Variants in ADGRF1 observed in about 807,000 individuals in gnomAD.
ADGRF1 encodes the protein adhesion G protein-coupled receptor F1.
Under a neutral mutation model 87.2 loss-of-function variants are expected in ADGRF1, and 85 were observed. The ratio of observed to expected loss-of-function variants is 0.97; its 90% CI spans 0.82 to 1.17. The LOEUF is 1.17. ADGRF1 is among the 50% of genes most tolerant of loss of function. The pLI is 0.00. For synonymous variants in ADGRF1, 430 were observed against 408.8 expected, an observed-to-expected ratio of 1.05 and a Z score of -0.63; for missense variants, 1,169 against 1,077.2, an observed-to-expected ratio of 1.09 and a Z score of -1.19.
rs755841682 is a variant in ADGRF1 at position 47,009,696 on chromosome 6, G to A, written c.1739C>T (p.Thr580Ile). 4.3e-6 allele frequency: 7 copies of A among 1,614,070 alleles called. No homozygotes were observed. Among genetic ancestry groups the A allele is most frequent in the Middle Eastern group, 1.6e-4 (1 of 6,084 alleles). Residue 580 changes from threonine to isoleucine, a missense_variant, in exon 11 of 15, where the codon ACA (threonine) becomes ATA (isoleucine). Thr to Ile is a moderately conservative substitution (Grantham distance 89). Transcript: ENST00000371253. ...SILMSPFVPS[T>I]IFPVVKWITY... ...GATCCATTTTACAACGGGGAAGATT[G>A]TAGAGGGGACAAAAGGTGACATCAA...
Position 46,997,954 on chromosome 6 carries a change from TC to T in ADGRF1, c.*2267del, listed in dbSNP as rs1779258907. The T allele has an allele frequency of 6.6e-6, 1 of 152,216 alleles. No homozygotes were observed. The highest frequency in any genetic ancestry group is 1.5e-5 in the Non-Finnish European group (1 of 68,040). The allele number at this position is 152,216 out of a possible 1,614,324, so 9.4% of individuals were successfully genotyped here. ...TTTTAAATAGTTTGGTAATTATGAC[TC>T]CCAGTCGCCTACAATAAGAAGAAAC... On this transcript the variant is annotated 3_prime_UTR_variant, in exon 15 of 15. Coordinates refer to ENST00000371253, the MANE Select transcript of ADGRF1 (RefSeq NM_153840.4).
intron 1 of ADGRF1, among the ~76,000 whole-genome samples, chr6:47,033,100 G>T (rs1010647732): frequency 2.0e-5 from 3 of 152,204 alleles, no homozygotes; most frequent in Non-Finnish European, 4.4e-5. Context: ...CAGATGAGGA[G>T]CTGTTGTTGT....
Position 47,025,882 on chromosome 6 carries a change from A to G in ADGRF1, c.249T>C (p.Ile83=), listed in dbSNP as rs771522443. Reference sequence around the variant, plus strand: ...TGGTAGCCTTTGCTCTGATAATTCTAATTAGCCCATGTGACCATAATAATG... The same window carrying G: ...TGGTAGCCTTTGCTCTGATAATTCTGATTAGCCCATGTGACCATAATAATG... The part of the protein sequence containing the change: ...KPPLLWSHGL[I]RIIRAKATTD... Residue 83 remains isoleucine, a synonymous_variant, in exon 4 of 15, where the codon ATT becomes ATC. Transcript: ENST00000371253. 1.9e-6 allele frequency: 3 copies of G among 1,607,328 alleles called. No homozygotes were observed. The South Asian group carries it at 3.3e-5, about 18-fold the overall frequency.
rs1267070427 is a variant in ADGRF1, at chr6:47,009,293, A to G, written c.2142T>C (p.Ser714=). ...CLGYGCPLII[S]VITIAVTQPS... ...GTTGCGTGACAGCAATGGTAATGAC[A>G]GATATAATGAGAGGGCACCCATAAC... Residue 714 remains serine (S), a synonymous_variant, in exon 11 of 15, where the codon TCT becomes TCC. Transcript: ENST00000371253. The G allele has an allele frequency of 6.2e-7, 1 of 1,614,050 alleles. No individual in the cohort carries two copies. The highest frequency in any genetic ancestry group is 2.2e-5 in the East Asian group (1 of 44,894).
chr6:47,011,361 T>C (rs912609443), intron 10 of ADGRF1, among the ~76,000 whole-genome samples: 2 of 152,234 alleles, frequency 1.3e-5, no homozygotes, highest in East Asian at 1.9e-4. Context: ...TTGTAAAACA[T>C]TATATCCTTT....
intron 1 of ADGRF1, among the ~76,000 whole-genome samples, chr6:47,041,280 T>A (rs1349741478): frequency 4.6e-5 from 7 of 152,362 alleles, no homozygotes; most frequent in African/African-American, 1.7e-4. Context: ...TGTGTTAATA[T>A]TCTAACATAT....
Position 47,009,418 on chromosome 6 carries a change from A to G in ADGRF1, c.2017T>C (p.Phe673Leu). Residue 673 changes from phenylalanine (F) to leucine (L), a missense_variant, in exon 11 of 15, where the codon TTC becomes CTC. By Grantham distance (22) the Phe-to-Leu change is conservative. Transcript: ENST00000371253. ...AGGATGCCAAGCATGAGCATCCAGA[A>G]GAACAAAGAGAGGTAGAAGAAGTGT... ...FTHFFYLSLF[F>L]WMLMLGILLA... 1 of 1,614,018 alleles carries G rather than the reference A, an allele frequency of 6.2e-7. No homozygotes were observed. The highest frequency in any genetic ancestry group is 8.5e-7 in the Non-Finnish European group (1 of 1,179,974).
rs191002786 is a variant in ADGRF1, at chr6:46,999,362, T to A, written c.*860A>T. The A allele has an allele frequency of 5.6e-4, 85 of 152,156 alleles. No homozygotes were observed. Among genetic ancestry groups the A allele is most frequent in the African/African-American group, 2.0e-3 (83 of 41,570 alleles). The allele number at this position is 152,156 out of a possible 1,614,324, so 9.4% of individuals were successfully genotyped here. A position where few individuals can be genotyped will look rare whatever the true frequency, so the allele number is the denominator to read the frequency against. ...AACTGTGTAACTGACCTCAGAAAGA[T>A]TTACTAGAGATGTAGGTAATTTTCA... On this transcript the variant is annotated 3_prime_UTR_variant, in exon 15 of 15. Transcript: ENST00000371253.
At chr6:47,019,516 T>A (rs567320646) in intron 7 of ADGRF1, 1 of 343,900 alleles carries the variant, frequency 2.9e-6, no homozygotes, top group South Asian at 1.2e-4. Context: ...ACCCCATCTC[T>A]ACGAAAAATA....
intron 1 of ADGRF1, among the ~76,000 whole-genome samples, chr6:47,033,543 T>C (rs1041846243): frequency 2.0e-5 from 3 of 152,268 alleles, no homozygotes; most frequent in African/African-American, 7.2e-5. Flanking sequence ...TGTTTCTTTC[T>C]CTATAAACAG....
At chr6:47,032,643 G>A (rs546993779) in intron 1 of ADGRF1, among the ~76,000 whole-genome samples, 19 of 152,266 alleles carry the variant, frequency 1.2e-4, no homozygotes, top group African/African-American at 4.3e-4. Flanking sequence ...CTATACTTTG[G>A]TTTAGTCATC....
intron 3 of ADGRF1, among the ~76,000 whole-genome samples, chr6:47,027,501 A>G (rs1440843366): frequency 6.6e-6 from 1 of 152,234 alleles, no homozygotes; most frequent in African/African-American, 2.4e-5. Context: ...GCCAGGTCTG[A>G]TGTAAGACAC....
Position 47,039,886 on chromosome 6 carries a change from T to G in ADGRF1, c.-44+2305A>C, listed in dbSNP as rs59391920. Reference sequence around the variant, plus strand: ...CTGAGACAGGAGAATTGCTAGAACCTGGGATGTGGAGGTTGAGGTGAGCCG... The same window carrying G: ...CTGAGACAGGAGAATTGCTAGAACCGGGGATGTGGAGGTTGAGGTGAGCCG... On this transcript the variant is annotated intron_variant, in intron 1 of 14. Coordinates refer to ENST00000371253, the MANE Select transcript of ADGRF1 (RefSeq NM_153840.4). 4.3e-3 allele frequency among the ~76,000 whole-genome samples: 646 copies of G among 151,492 alleles called. 5 individuals are homozygous for G. Among genetic ancestry groups the G allele is most frequent in the African/African-American group, 0.015 (604 of 41,284 alleles).
At chr6:47,024,325 A>C (rs1198266073) in intron 4 of ADGRF1, 108 bp from the exon 5 acceptor site, 11 of 801,310 alleles carry the variant, frequency 1.4e-5, no homozygotes, top group Non-Finnish European at 2.1e-5. Context: ...AACTTCCTAC[A>C]TCTTCTATGA....
chr6:47,018,611 G>C (rs2113891218), intron 7 of ADGRF1: 1 of 1,288,546 alleles, frequency 7.8e-7, no homozygotes, highest in East Asian at 5.6e-5. Flanking sequence ...AATAGAGTGA[G>C]AGATTAAGAT....
intron 7 of ADGRF1, chr6:47,018,828 T>G (rs1461095670): frequency 7.4e-6 from 2 of 271,284 alleles, no homozygotes; most frequent in African/African-American, 2.3e-5. Context: ...GCTTCGTGTC[T>G]CATGCCTGTA....
intron 9 of ADGRF1, 94 bp from the exon 10 acceptor site, chr6:47,012,289 T>A (rs535623836): frequency 6.5e-7 from 1 of 1,539,554 alleles, no homozygotes; most frequent in East Asian, 2.3e-5. Context: ...AACTAACATT[T>A]GTATGGTGTG....
intron 1 of ADGRF1, among the ~76,000 whole-genome samples, chr6:47,032,191 T>TA (rs1185059458): frequency 2.0e-5 from 3 of 152,078 alleles, no homozygotes; most frequent in Non-Finnish European, 4.4e-5. Flanking sequence ...AAAAATAAAA[T>TA]AAAAAAATAA....
At position 47,009,594 on chromosome 6, in the gene ADGRF1, A is replaced by G; in HGVS notation, c.1841T>C (p.Ile614Thr). ...LIIEALFWKQIKKSQTSHTRR... is the reference protein window; with the variant it reads ...LIIEALFWKQTKKSQTSHTRR... Reference sequence around the variant, plus strand: ...TGTGTGAGAGGTTTGGCTTTTTTTAATCTGCTTCCAAAACAAAGCCTCGAT... The same window carrying G: ...TGTGTGAGAGGTTTGGCTTTTTTTAGTCTGCTTCCAAAACAAAGCCTCGAT... The change falls in exon 11 of 15, where the codon ATT (isoleucine) becomes ACT (threonine). Residue 614 changes from isoleucine to threonine, a missense_variant. Transcript: ENST00000371253. 1 of 1,614,154 alleles carries G rather than the reference A, an allele frequency of 6.2e-7. No homozygotes were observed. Among genetic ancestry groups the G allele is most frequent in the Non-Finnish European group, 8.5e-7 (1 of 1,180,008 alleles).
Sources: allele counts gnomAD v4.1 joint callset (sites outside exome capture counted in the v4.1 genomes callset), GRCh38; gene constraint gnomAD v4.1.1; transcripts MANE v1.5; gene names NCBI Gene and HGNC (gene_info 2026-07-23, HGNC 2026-07-21).